PIWIL3: variants seen among roughly 807,000 people sequenced by gnomAD.
PIWIL3 encodes the protein piwi-like protein 3.
Under a neutral mutation model 109.7 loss-of-function variants are expected in PIWIL3, and 101 were observed. The observed-to-expected ratio is 0.92, with a 90% CI of 0.78 to 1.09. The LOEUF is 1.09. Ranked by LOEUF, PIWIL3 falls within the 50% of genes least tolerant of loss-of-function variation. The pLI is 0.00. For synonymous variants in PIWIL3, 373 were observed against 376.4 expected, an observed-to-expected ratio of 0.99 and a Z score of 0.10; for missense variants, 1,031 against 1,072.6, an observed-to-expected ratio of 0.96 and a Z score of 0.54.
chr22:24,743,500 C>T (rs752322326), intron 12 of PIWIL3, among the ~76,000 whole-genome samples: 1 of 152,186 alleles, frequency 6.6e-6, no homozygotes, highest in Non-Finnish European at 1.5e-5. Flanking sequence ...TGGAATACTA[C>T]TCAGCCATAA....
At position 24,719,552 on chromosome 22, in the gene PIWIL3, G is replaced by A. The variant is rs780212911; in HGVS notation, c.2542C>T (p.His848Tyr). 6.2e-7 allele frequency: 1 copy of A among 1,605,362 alleles called. No homozygotes were observed. Among genetic ancestry groups the A allele is most frequent in the Non-Finnish European group, 8.5e-7 (1 of 1,177,026 alleles). The change falls in exon 21 of 21, where the codon CAC (histidine) becomes TAC (tyrosine). Residue 848 changes from histidine to tyrosine, a missense_variant. Coordinates refer to ENST00000616349, the MANE Select transcript of PIWIL3 (RefSeq NM_001255975.1). ...TGCCCCACGAGGTAAGCCAGCTTGT[G>A]GGCATAGTGGCAAGGCGCTGGAACT... is the stretch of plus-strand genomic sequence containing the variant. ...IRVPAPCHYA[H>Y]KLAYLVGQSI...
intron 1 of PIWIL3, among the ~76,000 whole-genome samples, chr22:24,770,283 C>T (rs986763915): frequency 3.9e-5 from 6 of 152,234 alleles, no homozygotes; most frequent in African/African-American, 1.4e-4. Flanking sequence ...TCAACTGTCC[C>T]TGCCTGGACA....
rs1043878616 is a variant in PIWIL3, at chr22:24,768,414, C to T, written c.-22-5893G>A. On this transcript the variant is annotated intron_variant, in intron 1 of 20. Coordinates refer to ENST00000616349, the MANE Select transcript of PIWIL3 (RefSeq NM_001255975.1). Reference sequence around the variant, plus strand: ...GGATTACAGAGGACACCACCATGCCCGGCTAATTTTTGTATTTTTAGTAGG... The same window carrying T: ...GGATTACAGAGGACACCACCATGCCTGGCTAATTTTTGTATTTTTAGTAGG... Among the ~76,000 whole-genome samples the T allele has an allele frequency of 6.6e-5, 10 of 152,092 alleles. No homozygotes were observed. In the East Asian group the frequency reaches 1.6e-3, roughly 24 times the overall value.
At chr22:24,729,864 T>C (rs1346873489) in intron 14 of PIWIL3, among the ~76,000 whole-genome samples, 1 of 152,186 alleles carries the variant, frequency 6.6e-6, no homozygotes, top group East Asian at 1.9e-4. Flanking sequence ...ATGACTGGCA[T>C]ATAGTAGCTT....
chr22:24,722,187 G>A lies in PIWIL3; in HGVS notation c.2357+943C>T, dbSNP rs111239324. 3.4e-3 allele frequency among the ~76,000 whole-genome samples: 523 copies of A among 152,154 alleles called. 3 individuals carry two copies. The highest frequency in any genetic ancestry group is 0.012 in the African/African-American group (497 of 41,556). ...AAGCTCCGCCTCCCTGGTTCACACC[G>A]TTCCCCTGCCTCAGCCTCCTGCCTA... On this transcript the variant is annotated intron_variant, in intron 19 of 20. Coordinates refer to ENST00000616349, the MANE Select transcript of PIWIL3 (RefSeq NM_001255975.1).
rs1173154023 is a variant in PIWIL3 at position 24,749,416 on chromosome 22, TTGA to T, written c.1319_1321del (p.Ile440del). 1 of 1,613,832 alleles carries T rather than the reference TTGA, an allele frequency of 6.2e-7. No individual in the cohort carries two copies. Among genetic ancestry groups the T allele is most frequent in the African/African-American group, 1.3e-5 (1 of 74,922 alleles). Reference sequence around the variant, plus strand: ...AAGCAGCACTTACTCTTGTAGAGTATTGATGAATTCTTTTAATGTATGATGCCT... The same window carrying T: ...AAGCAGCACTTACTCTTGTAGAGTATTGAATTCTTTTAATGTATGATGCCT... On this transcript the variant is annotated inframe_deletion, in exon 11 of 21. Transcript: ENST00000616349.
At chr22:24,723,744 G>A (rs148475386) in intron 18 of PIWIL3, among the ~76,000 whole-genome samples, 15 of 151,744 alleles carry the variant, frequency 9.9e-5, no homozygotes, top group Middle Eastern at 3.4e-3. Flanking sequence ...GTGTGATCTC[G>A]GCTCACTGCA....
chr22:24,736,977 A>C (rs889293307), intron 12 of PIWIL3, among the ~76,000 whole-genome samples: 8 of 152,212 alleles, frequency 5.3e-5, no homozygotes, highest in African/African-American at 1.7e-4. Context: ...TGTGGCCCTA[A>C]GTGAACCTGA....
chr22:24,752,341 C>T (rs987570528), intron 8 of PIWIL3, among the ~76,000 whole-genome samples: 2 of 152,186 alleles, frequency 1.3e-5, no homozygotes, highest in African/African-American at 4.8e-5. Context: ...TTCCCTTCTC[C>T]TTGTCCCTGC....
chr22:24,772,896 T>C (rs1395420557), intron 1 of PIWIL3, among the ~76,000 whole-genome samples: 2 of 152,128 alleles, frequency 1.3e-5, no homozygotes, highest in African/African-American at 2.4e-5. Context: ...CCTTAACAGT[T>C]ATCTGGACCT....
intron 17 of PIWIL3, 78 bp downstream of exon 17, chr22:24,725,367 T>TC (rs1391655469): frequency 8.4e-5 from 129 of 1,533,004 alleles, no homozygotes; most frequent in Non-Finnish European, 1.1e-4. Context: ...TTACCAAGTG[T>TC]CCCCTGGAGG....
rs1349690100 is a variant in PIWIL3 at position 24,724,243 on chromosome 22, AC to A, written c.2231+643del. Among the ~76,000 whole-genome samples the A allele has an allele frequency of 2.0e-5, 3 of 150,168 alleles. No homozygotes were observed. The East Asian group carries it at 5.8e-4, about 29-fold the overall frequency. On this transcript the variant is annotated intron_variant, in intron 18 of 20. Coordinates refer to ENST00000616349, the MANE Select transcript of PIWIL3 (RefSeq NM_001255975.1). Reference sequence around the variant, plus strand: ...TTGTATTGGTGTTTTCCCCTAAAAAACATCAGATTTTTTTTTTTCAAAGACT... The same window carrying A: ...TTGTATTGGTGTTTTCCCCTAAAAAAATCAGATTTTTTTTTTTCAAAGACT...
chr22:24,754,691 A>T, intron 7 of PIWIL3, 93 bp downstream of exon 7: 1 of 1,015,190 alleles, frequency 9.9e-7, no homozygotes, highest in Non-Finnish European at 1.5e-6. Context: ...CATCACTTTT[A>T]AGGCATACCA....
At chr22:24,737,222 CTT>C (rs1385862489) in intron 12 of PIWIL3, among the ~76,000 whole-genome samples, 3 of 152,208 alleles carry the variant, frequency 2.0e-5, no homozygotes, top group South Asian at 2.1e-4. Flanking sequence ...AGAGTGAAGA[CTT>C]TGTCTTGTAT....
At chr22:24,769,127 G>A (rs1925976079) in intron 1 of PIWIL3, among the ~76,000 whole-genome samples, 1 of 152,230 alleles carries the variant, frequency 6.6e-6, no homozygotes, top group Admixed American at 6.5e-5. Context: ...GATACAAAAT[G>A]GTGTTGTATT....
chr22:24,727,723 C>T (rs752995717), intron 16 of PIWIL3, among the ~76,000 whole-genome samples: 15 of 152,186 alleles, frequency 9.9e-5, no homozygotes, highest in Non-Finnish European at 1.6e-4. Flanking sequence ...TAAACTGCCA[C>T]GTCTGTGGTA....
chr22:24,752,242 CT>C (rs1924753486), intron 8 of PIWIL3, among the ~76,000 whole-genome samples: 1 of 152,022 alleles, frequency 6.6e-6, no homozygotes, highest in Non-Finnish European at 1.5e-5. Flanking sequence ...AAAAATCAAG[CT>C]GCAAACATAG....
chr22:24,738,582 CCT>C (rs1452209520), intron 12 of PIWIL3, among the ~76,000 whole-genome samples: 1 of 152,202 alleles, frequency 6.6e-6, no homozygotes, highest in African/African-American at 2.4e-5. Flanking sequence ...AGACTCTCTG[CCT>C]GGTAATCCAG....
intron 1 of PIWIL3, among the ~76,000 whole-genome samples, chr22:24,770,660 TAAAA>T (rs57209194): frequency 1.3e-5 from 1 of 77,588 alleles, no homozygotes; most frequent in African/African-American, 5.3e-5. Flanking sequence ...CCGTCTCTAC[TAAAA>T]AAAAAAAAAA....
Sources: allele counts gnomAD v4.1 joint callset (sites outside exome capture counted in the v4.1 genomes callset), GRCh38; gene constraint gnomAD v4.1.1; transcripts MANE v1.5; gene names NCBI Gene and HGNC (gene_info 2026-07-23, HGNC 2026-07-21).